ATXN7L1: variants seen among roughly 807,000 people sequenced by gnomAD.
The protein encoded by ATXN7L1 is ataxin-7-like protein 1.
In ATXN7L1, 15 loss-of-function variants were observed where a neutral mutation model predicts 70.8. The ratio of observed to expected loss-of-function variants is 0.21; its 90% CI spans 0.14 to 0.33. The LOEUF (loss-of-function observed/expected upper bound fraction) is 0.33. Ranked by LOEUF, ATXN7L1 falls within the 10% of genes least tolerant of loss-of-function variation. The pLI is 1.00. For synonymous variants in ATXN7L1, 440 were observed against 445.1 expected (o/e 0.99, Z 0.14); for missense variants, 975 against 1,097.1 (o/e 0.89, Z 1.57).
At chr7:105,744,781 A>T (rs1798393201) in intron 3 of ATXN7L1, among the ~76,000 whole-genome samples, 1 of 137,996 alleles carries the variant, frequency 7.2e-6, no homozygotes, top group Non-Finnish European at 1.5e-5. Flanking sequence ...TCTGTCACCC[A>T]AGCTGGAGTG....
intron 2 of ATXN7L1, among the ~76,000 whole-genome samples, chr7:105,803,395 T>C (rs1807103290): frequency 6.6e-6 from 1 of 152,218 alleles, no homozygotes; most frequent in Admixed American, 6.5e-5. Flanking sequence ...GGCCCCACCC[T>C]GATGTCCAGG....
At chr7:105,838,763 G>A (rs1462491495) in intron 2 of ATXN7L1, among the ~76,000 whole-genome samples, 1 of 152,156 alleles carries the variant, frequency 6.6e-6, no homozygotes, top group Non-Finnish European at 1.5e-5. Context: ...ACGTGGAAAT[G>A]ACCCGAACTC....
At chr7:105,728,107 A>G (rs1006467047) in intron 3 of ATXN7L1, among the ~76,000 whole-genome samples, 6 of 152,132 alleles carry the variant, frequency 3.9e-5, no homozygotes, top group Admixed American at 2.0e-4. Context: ...ATAAAATGTT[A>G]AATTAAAAGG....
chr7:105,796,649 T>C (rs187960185), intron 2 of ATXN7L1, among the ~76,000 whole-genome samples: 68 of 152,334 alleles, frequency 4.5e-4, no homozygotes, highest in Middle Eastern at 6.8e-3. Context: ...AATCTGGACA[T>C]AGAATGGCTG....
At chr7:105,681,777 T>C (rs1169145313) in intron 3 of ATXN7L1, among the ~76,000 whole-genome samples, 1 of 152,104 alleles carries the variant, frequency 6.6e-6, no homozygotes, top group African/African-American at 2.4e-5. Flanking sequence ...AATAATCCAG[T>C]CACAAACAGA....
chr7:105,812,853 T>G (rs1224857362), intron 2 of ATXN7L1, among the ~76,000 whole-genome samples: 1 of 151,728 alleles, frequency 6.6e-6, no homozygotes, highest in Non-Finnish European at 1.5e-5. Context: ...ACACAAAAAT[T>G]TATCTGGGCA....
At chr7:105,685,627 T>A (rs1226713594) in intron 3 of ATXN7L1, among the ~76,000 whole-genome samples, 1 of 152,182 alleles carries the variant, frequency 6.6e-6, no homozygotes. Context: ...GAACACACTT[T>A]CTCTCCATGG....
intron 2 of ATXN7L1, among the ~76,000 whole-genome samples, chr7:105,797,321 G>C (rs1283641927): frequency 1.3e-5 from 2 of 152,182 alleles, no homozygotes; most frequent in African/African-American, 4.8e-5. Flanking sequence ...GCATGAACAG[G>C]ATGTCCGCCC....
chr7:105,780,560 T>G (rs555136812), intron 3 of ATXN7L1, among the ~76,000 whole-genome samples: 93 of 152,294 alleles, frequency 6.1e-4, no homozygotes, highest in African/African-American at 2.1e-3. Context: ...ACCATTTTTT[T>G]TTTTTTAAGT....
intron 4 of ATXN7L1, among the ~76,000 whole-genome samples, chr7:105,647,196 G>T (rs1799172040): frequency 6.6e-6 from 1 of 152,192 alleles, no homozygotes; most frequent in South Asian, 2.1e-4. Context: ...GCAAGTTCCA[G>T]ATCTAGTTCT....
chr7:105,710,401 C>CTT (rs34003989), intron 3 of ATXN7L1, among the ~76,000 whole-genome samples: 169 of 78,116 alleles, frequency 2.2e-3, no homozygotes, highest in Non-Finnish European at 3.2e-3. Flanking sequence ...GTGCCATGCA[C>CTT]TTTTTTTTTT....
At chr7:105,836,179 G>T (rs1223991051) in intron 2 of ATXN7L1, among the ~76,000 whole-genome samples, 1 of 152,172 alleles carries the variant, frequency 6.6e-6, no homozygotes, top group Admixed American at 6.5e-5. Context: ...GGCTATGGGG[G>T]ACCAGAGATG....
At position 105,606,931 on chromosome 7, in the gene ATXN7L1, T is replaced by TCCCCACTTTATA. The variant is rs1792786686; in HGVS notation, c.*920_*921insTATAAAGTGGGG. ...CGTGCCTCCTCATGGAGTGGCTTTC[T>TCCCCACTTTATA]GGGTTCTCACGACCTTTTTCCTGGG... On this transcript the variant is annotated 3_prime_UTR_variant, in exon 12 of 12. Transcript: ENST00000419735. The TCCCCACTTTATA allele has an allele frequency of 6.6e-6, 1 of 152,298 alleles. No homozygotes were observed. Among genetic ancestry groups the TCCCCACTTTATA allele is most frequent in the Admixed American group, 6.5e-5 (1 of 15,280 alleles). The allele number at this position is 152,298 out of a possible 1,614,324, so 9.4% of individuals were successfully genotyped here. A position where few individuals can be genotyped will look rare whatever the true frequency, so the allele number is the denominator to read the frequency against.
chr7:105,873,354 CCA>C, intron 2 of ATXN7L1, among the ~76,000 whole-genome samples: 1 of 152,288 alleles, frequency 6.6e-6, no homozygotes, highest in Admixed American at 6.5e-5. Flanking sequence ...AGGTACACAG[CCA>C]CACACAGGCT....
At chr7:105,618,298 C>A (rs1389855918) in intron 9 of ATXN7L1, among the ~76,000 whole-genome samples, 2 of 152,168 alleles carry the variant, frequency 1.3e-5, no homozygotes, top group Non-Finnish European at 2.9e-5. Flanking sequence ...GCACAGTCAC[C>A]CCACGTGTAG....
intron 4 of ATXN7L1, among the ~76,000 whole-genome samples, chr7:105,662,216 C>T (rs1471658686): frequency 1.3e-5 from 2 of 151,850 alleles, no homozygotes; most frequent in Non-Finnish European, 2.9e-5. Context: ...AATTCTCCTG[C>T]CTCAGCCTCC....
At chr7:105,666,349 T>C (rs1802614366) in intron 3 of ATXN7L1, among the ~76,000 whole-genome samples, 1 of 152,246 alleles carries the variant, frequency 6.6e-6, no homozygotes, top group Non-Finnish European at 1.5e-5. Context: ...ACAGTTCTCC[T>C]GAACTAGAGA....
intron 2 of ATXN7L1, among the ~76,000 whole-genome samples, chr7:105,794,984 A>G (rs1217146901): frequency 6.6e-6 from 1 of 152,134 alleles, no homozygotes; most frequent in African/African-American, 2.4e-5. Flanking sequence ...TTCATGGCAG[A>G]GTCCATCACA....
At chr7:105,747,275 C>T (rs1465343140) in intron 3 of ATXN7L1, among the ~76,000 whole-genome samples, 1 of 152,116 alleles carries the variant, frequency 6.6e-6, no homozygotes, top group African/African-American at 2.4e-5. Context: ...CACTAATGGC[C>T]AGTGGTTTAA....
Sources: gnomAD v4.1 joint callset for allele counts (sites outside exome capture counted in the v4.1 genomes callset) on GRCh38, gnomAD v4.1.1 for gene constraint, MANE v1.5 for transcripts, NCBI Gene and HGNC (gene_info 2026-07-23, HGNC 2026-07-21) for gene names.